TMEM272: variants seen among roughly 807,000 people sequenced by gnomAD.
The protein encoded by TMEM272 is long intergenic non-protein coding RNA 282.
A neutral mutation model predicts 3.7 loss-of-function variants in TMEM272; 8 were observed. The ratio of observed to expected loss-of-function variants is 2.17; its 90% CI spans 1.27 to 3.91. The LOEUF (loss-of-function observed/expected upper bound fraction) is 3.91. Ranked by LOEUF, TMEM272 falls within the 30% of genes most tolerant of loss-of-function variation. The probability of loss-of-function intolerance (pLI) is 0.00; values close to 1 mark genes in which losing one functional copy is unlikely to be tolerated. For missense variants in TMEM272, 166 were observed against 91.5 expected (o/e 1.81, Z -3.32); for synonymous variants, 63 against 39.8 (o/e 1.58, Z -2.20).
At chr13:51,841,534 T>C (rs9591434) in intron 1 of TMEM272, among the ~76,000 whole-genome samples, 1,998 of 152,268 alleles carry the variant, frequency 0.013, 46 homozygotes, top group African/African-American at 0.046. Context: ...GGGTAAGAGG[T>C]CACGCTTTAA....
rs1259369116 is a variant in TMEM272 at position 51,845,045 on chromosome 13, G to C, written c.-53C>G. On this transcript the variant is annotated 5_prime_UTR_variant, in exon 1 of 5. Coordinates refer to ENST00000629372, the MANE Select transcript of TMEM272 (RefSeq NM_001351003.2). ...GCTAAGCAGAGTGGGATCCAGAATC[G>C]GGCAGCACTCAGCACCTCTGTGGTC... 6.6e-6 allele frequency: 1 copy of C among 152,210 alleles called. No homozygotes were observed. The highest frequency in any genetic ancestry group is 1.5e-5 in the Non-Finnish European group (1 of 68,066). 9.4% of individuals were successfully genotyped at this position (152,210 alleles called of 1,614,324 possible).
chr13:51,878,370 C>T, the TMEM272 span, among the ~76,000 whole-genome samples: 6 of 152,080 alleles, frequency 3.9e-5, no homozygotes, highest in Admixed American at 1.3e-4. Flanking sequence ...GCGGAGGTTG[C>T]GGTGAGCCGA....
chr13:51,876,125 C>CA, the TMEM272 span, among the ~76,000 whole-genome samples: 2 of 152,314 alleles, frequency 1.3e-5, no homozygotes, highest in South Asian at 2.1e-4. Context: ...GTGTTCCCCC[C>CA]AAAAAAAGGA....
the TMEM272 span, among the ~76,000 whole-genome samples, chr13:51,850,520 T>C: frequency 0.97 from 147,738 of 152,300 alleles, 71,669 homozygotes; most frequent in East Asian, 1. Flanking sequence ...TATCATCAAG[T>C]ATAATGTTTG....
chr13:51,921,322 T>C, the TMEM272 span: 8 of 152,200 alleles, frequency 5.3e-5, no homozygotes, highest in African/African-American at 1.9e-4. Flanking sequence ...TTCCAGTCTC[T>C]AATTCCACTG....
chr13:51,911,032 T>C, the TMEM272 span, among the ~76,000 whole-genome samples: 1 of 152,148 alleles, frequency 6.6e-6, no homozygotes, highest in Non-Finnish European at 1.5e-5. Context: ...AACAAATCAT[T>C]GTTTTAAGTC....
At chr13:51,908,484 C>A in the TMEM272 span, 30 of 1,524,320 alleles carry the variant, frequency 2.0e-5, no homozygotes, top group Non-Finnish European at 2.5e-5. Context: ...GAAAGGAGGT[C>A]CTCTTCTCAT....
At chr13:51,932,170 T>C in the TMEM272 span, among the ~76,000 whole-genome samples, 1 of 152,044 alleles carries the variant, frequency 6.6e-6, no homozygotes, top group African/African-American at 2.4e-5. Context: ...TCAACTCCCT[T>C]CAGGTGTGGC....
At chr13:51,845,239 C>T (rs1956295646), upstream of TMEM272, 1 of 152,252 alleles carries the variant, frequency 6.6e-6, no homozygotes, top group African/African-American at 2.4e-5. Context: ...GGAGAGCAGC[C>T]CCACCGCCGG....
chr13:51,886,271 G>C, the TMEM272 span, among the ~76,000 whole-genome samples: 3 of 152,216 alleles, frequency 2.0e-5, no homozygotes, highest in Non-Finnish European at 4.4e-5. Context: ...AAAGCCAGCA[G>C]GTGGAGGACT....
chr13:51,870,086 G>C, the TMEM272 span, among the ~76,000 whole-genome samples: 2 of 152,110 alleles, frequency 1.3e-5, no homozygotes, highest in Non-Finnish European at 2.9e-5. Context: ...TGGTTCCTTG[G>C]TTACCCCTTT....
intron 1 of TMEM272, among the ~76,000 whole-genome samples, chr13:51,842,057 T>C (rs931057050): frequency 1.3e-5 from 2 of 151,768 alleles, no homozygotes; most frequent in Admixed American, 6.6e-5. Context: ...ACACACATCA[T>C]ATGACCTCGT....
At chr13:51,895,141 G>C in the TMEM272 span, among the ~76,000 whole-genome samples, 3 of 152,150 alleles carry the variant, frequency 2.0e-5, no homozygotes, top group African/African-American at 7.2e-5. Context: ...ACCTCCTGCT[G>C]TGTGGCCCAG....
chr13:51,872,409 G>C, the TMEM272 span, among the ~76,000 whole-genome samples: 1 of 152,132 alleles, frequency 6.6e-6, no homozygotes. Context: ...AAGAGAGAGA[G>C]AGAGAGGCTT....
At chr13:51,903,191 C>A in the TMEM272 span, among the ~76,000 whole-genome samples, 1 of 152,332 alleles carries the variant, frequency 6.6e-6, no homozygotes, top group Middle Eastern at 3.4e-3. Context: ...ACAACTAGAA[C>A]TGGATGCACG....
chr13:51,881,177 C>T, the TMEM272 span, among the ~76,000 whole-genome samples: 1 of 152,090 alleles, frequency 6.6e-6, no homozygotes, highest in African/African-American at 2.4e-5. Flanking sequence ...GGATTTAGGT[C>T]ACACATGCTG....
chr13:51,908,225 C>A, the TMEM272 span: 1 of 711,832 alleles, frequency 1.4e-6, no homozygotes, highest in South Asian at 1.7e-5. Flanking sequence ...GGTTTCTTGC[C>A]GTGGTTCTGG....
chr13:51,901,812 GC>G, the TMEM272 span, among the ~76,000 whole-genome samples: 1 of 152,096 alleles, frequency 6.6e-6, no homozygotes, highest in Admixed American at 6.6e-5. Flanking sequence ...CCTACCTCCA[GC>G]CCAGCCTAGC....
At chr13:51,864,972 G>C in the TMEM272 span, among the ~76,000 whole-genome samples, 1 of 152,192 alleles carries the variant, frequency 6.6e-6, no homozygotes, top group African/African-American at 2.4e-5. Flanking sequence ...AGGCAGATAG[G>C]AACAATTCTC....
Sources: gnomAD v4.1 joint callset for allele counts (sites outside exome capture counted in the v4.1 genomes callset) on GRCh38, gnomAD v4.1.1 for gene constraint, MANE v1.5 for transcripts, NCBI Gene and HGNC (gene_info 2026-07-23, HGNC 2026-07-21) for gene names.